FAAH2: variants seen among roughly 807,000 people sequenced by gnomAD.
The protein encoded by FAAH2 is fatty-acid amide hydrolase 2.
In FAAH2, 60 loss-of-function variants were observed where a neutral mutation model predicts 36.9. The ratio of observed to expected loss-of-function variants is 1.63; its 90% CI spans 1.32 to 2.02. FAAH2 has a LOEUF of 2.02. FAAH2 is among the 30% of genes most tolerant of loss of function. The pLI, the probability that FAAH2 is intolerant of heterozygous loss-of-function variation, is 0.00. For synonymous variants in FAAH2, 214 were observed against 143.8 expected (o/e 1.49, Z -3.49); for missense variants, 689 against 397.5 (o/e 1.73, Z -6.23).
intron 5 of FAAH2, among the ~76,000 whole-genome samples, chrX:57,356,884 C>A (rs2054170375): frequency 9.0e-6 from 1 of 110,710 alleles, no homozygotes; most frequent in Non-Finnish European, 1.9e-5. Flanking sequence ...TGATTTGCTG[C>A]ACCTATCCAC....
chrX:57,246,719 G>A, the FAAH2 span, among the ~76,000 whole-genome samples: 3 of 111,991 alleles, frequency 2.7e-5, no homozygotes, highest in South Asian at 1.1e-3. Context: ...GTGGCACTGT[G>A]CCTTAAAAGT....
At chrX:57,467,082 C>A (rs1288275357) in intron 10 of FAAH2, among the ~76,000 whole-genome samples, 2 of 111,179 alleles carry the variant, frequency 1.8e-5, no homozygotes, top group African/African-American at 6.5e-5. Flanking sequence ...GATAGACTTT[C>A]CAAACAAGTT....
the FAAH2 span, among the ~76,000 whole-genome samples, chrX:57,270,613 G>T: frequency 2.0e-4 from 22 of 111,876 alleles, no homozygotes; most frequent in Admixed American, 4.7e-4. Flanking sequence ...GGTGATTTCT[G>T]CATTTCCAAC....
intron 2 of FAAH2, among the ~76,000 whole-genome samples, chrX:57,302,117 T>C (rs1233051486): frequency 1.8e-5 from 2 of 111,685 alleles, no homozygotes; most frequent in African/African-American, 6.5e-5. Flanking sequence ...GTGAATGACA[T>C]AGAAAATGGT....
chrX:57,310,289 C>A (rs1484897791), intron 2 of FAAH2, among the ~76,000 whole-genome samples: 2 of 111,535 alleles, frequency 1.8e-5, no homozygotes, highest in East Asian at 5.6e-4. Flanking sequence ...ACAGTTGTCT[C>A]TTGTAGATAT....
chrX:57,180,023 A>C, the FAAH2 span, among the ~76,000 whole-genome samples: 3 of 112,394 alleles, frequency 2.7e-5, no homozygotes, highest in Admixed American at 1.9e-4. Flanking sequence ...ACTTTGGGGT[A>C]AATAATGAAA....
chrX:57,392,827 T>A, intron 7 of FAAH2: 2 of 680,097 alleles, frequency 2.9e-6, no homozygotes, highest in Non-Finnish European at 4.9e-6. Flanking sequence ...CGCTCTGGGT[T>A]GTGAGACAAG....
the FAAH2 span, among the ~76,000 whole-genome samples, chrX:57,240,031 T>C: frequency 3.4e-4 from 38 of 112,384 alleles, no homozygotes; most frequent in African/African-American, 1.1e-3. Flanking sequence ...GTTTGTCGTT[T>C]CAGCCATTTT....
intron 5 of FAAH2, 152 bp downstream of exon 5, chrX:57,341,542 C>A: frequency 3.1e-6 from 2 of 644,961 alleles, no homozygotes; most frequent in African/African-American, 2.3e-5. Context: ...TATTGAGCAC[C>A]AACTCTGGGA....
At chrX:57,460,593 G>A (rs1251875518) in intron 10 of FAAH2, among the ~76,000 whole-genome samples, 3 of 111,668 alleles carry the variant, frequency 2.7e-5, no homozygotes, top group East Asian at 2.8e-4. Flanking sequence ...TTCCAGACAA[G>A]CAAATGCTCA....
the FAAH2 span, among the ~76,000 whole-genome samples, chrX:57,152,790 C>G: frequency 9.0e-6 from 1 of 111,403 alleles, no homozygotes; most frequent in African/African-American, 3.3e-5. Flanking sequence ...CACCCACTGT[C>G]TGGCACTCCC....
chrX:57,367,470 A>C (rs1175080509), intron 5 of FAAH2, among the ~76,000 whole-genome samples: 1 of 112,601 alleles, frequency 8.9e-6, no homozygotes, highest in Non-Finnish European at 1.9e-5. Context: ...AAAAATGTAA[A>C]AAAGGATTGA....
At chrX:57,459,807 G>A (rs771563679) in intron 10 of FAAH2, among the ~76,000 whole-genome samples, 4 of 111,669 alleles carry the variant, frequency 3.6e-5, no homozygotes, top group Non-Finnish European at 5.6e-5. Context: ...ATCAACATCA[G>A]CATAAAGAAA....
the FAAH2 span, among the ~76,000 whole-genome samples, chrX:57,178,658 G>T: frequency 8.9e-6 from 1 of 111,965 alleles, no homozygotes; most frequent in East Asian, 2.8e-4. Context: ...CAGTTCCCTA[G>T]TTGCTGGGGT....
At chrX:57,329,980 G>T (rs1188755324) in intron 3 of FAAH2, among the ~76,000 whole-genome samples, 1 of 111,371 alleles carries the variant, frequency 9.0e-6, no homozygotes, top group African/African-American at 3.3e-5. Flanking sequence ...TCTTAATCCT[G>T]TCATCTCACA....
At chrX:57,470,690 A>C (rs1407052640) in intron 10 of FAAH2, among the ~76,000 whole-genome samples, 6 of 111,438 alleles carry the variant, frequency 5.4e-5, no homozygotes, top group Admixed American at 9.6e-5. Flanking sequence ...TGGTACCATT[A>C]CTTCTGAAAC....
intron 3 of FAAH2, among the ~76,000 whole-genome samples, chrX:57,312,071 G>A (rs887551906): frequency 7.1e-5 from 8 of 112,285 alleles, no homozygotes; most frequent in Non-Finnish European, 1.3e-4. Context: ...CTGCCCAAGA[G>A]GGCTGGTGGT....
chrX:57,271,836 T>A, the FAAH2 span, among the ~76,000 whole-genome samples: 1 of 110,097 alleles, frequency 9.1e-6, no homozygotes, highest in East Asian at 2.9e-4. Context: ...AAATCCAGAA[T>A]GCCTCTCTTC....
Position 57,390,918 on chromosome X carries a change from A to G in FAAH2, c.996+9889A>G, listed in dbSNP as rs1389711888. Among the ~76,000 whole-genome samples, 3 of 111,200 alleles carry G rather than the reference A, an allele frequency of 2.7e-5. No homozygotes were observed. The East Asian group carries it at 8.4e-4, about 31-fold the overall frequency. ...AACCTCCATACTGTTTTCCACAGAA[A>G]TTTTACTACTTTACAATATGCCAAC... On this transcript the variant is annotated intron_variant, in intron 7 of 10. Transcript: ENST00000374900.
Sources: allele counts gnomAD v4.1 joint callset (sites outside exome capture counted in the v4.1 genomes callset), GRCh38; gene constraint gnomAD v4.1.1; transcripts MANE v1.5; gene names NCBI Gene and HGNC (gene_info 2026-07-23, HGNC 2026-07-21).